Variants in EXOC6 observed in about 807,000 individuals in gnomAD.
EXOC6 encodes the protein exocyst complex component 6, also known as SEC15-like 1.
Under a neutral mutation model 112.5 loss-of-function variants are expected in EXOC6, and 60 were observed. That is an observed-to-expected ratio of 0.53 (90% CI 0.43 to 0.66). EXOC6 has a LOEUF of 0.66. Among genes scored for constraint, EXOC6 ranks in the 30% least tolerant of loss-of-function variants. The probability of loss-of-function intolerance (pLI) is 0.00; values close to 1 mark genes in which losing one functional copy is unlikely to be tolerated. For synonymous variants in EXOC6, 295 were observed against 308.0 expected, an observed-to-expected ratio of 0.96 and a Z score of 0.44; for missense variants, 855 against 957.1, an observed-to-expected ratio of 0.89 and a Z score of 1.41.
chr10:92,907,996 T>A (rs770333668), intron 5 of EXOC6, among the ~76,000 whole-genome samples: 1 of 152,006 alleles, frequency 6.6e-6, no homozygotes. Flanking sequence ...TATACTCTTA[T>A]CTTTGAGAGT....
chr10:92,840,239 A>G (rs939068310), intron 1 of EXOC6, among the ~76,000 whole-genome samples: 1 of 152,158 alleles, frequency 6.6e-6, no homozygotes, highest in Admixed American at 6.6e-5. Context: ...TGCTATTTAT[A>G]TCTTTATAAA....
chr10:92,843,881 G>A (rs183630625), upstream of EXOC6, among the ~76,000 whole-genome samples: 50 of 151,468 alleles, frequency 3.3e-4, no homozygotes, highest in African/African-American at 1.2e-3. Flanking sequence ...CCAGTTACTC[G>A]GGAGAGAACT....
chr10:93,033,005 A>G (rs897742714), intron 20 of EXOC6, among the ~76,000 whole-genome samples: 2 of 152,186 alleles, frequency 1.3e-5, no homozygotes, highest in Non-Finnish European at 2.9e-5. Flanking sequence ...TAGTATGGCT[A>G]TAATGTAGTG....
chr10:92,853,121 T>C (rs985860878), intron 1 of EXOC6, among the ~76,000 whole-genome samples: 11 of 152,152 alleles, frequency 7.2e-5, no homozygotes, highest in Admixed American at 6.5e-4. Flanking sequence ...AATCAGAAAT[T>C]GAAATTTAAA....
At chr10:92,920,186 C>A in intron 8 of EXOC6, 136 bp downstream of exon 8, 1 of 505,548 alleles carries the variant, frequency 2.0e-6, no homozygotes. Flanking sequence ...CTGTGTAAGG[C>A]ACTTACATTT....
intron 1 of EXOC6, among the ~76,000 whole-genome samples, chr10:92,855,730 TTCTC>T (rs1486796886): frequency 6.6e-6 from 1 of 152,198 alleles, no homozygotes; most frequent in East Asian, 1.9e-4. Context: ...TTCTGTAACA[TTCTC>T]TCTTTTGTTC....
intron 8 of EXOC6, among the ~76,000 whole-genome samples, chr10:92,921,094 A>G (rs1286374080): frequency 4.6e-5 from 7 of 152,160 alleles, no homozygotes; most frequent in African/African-American, 1.7e-4. Flanking sequence ...TAATGTAATT[A>G]CTGGTAAGGT....
intron 20 of EXOC6, among the ~76,000 whole-genome samples, chr10:93,036,004 G>A (rs914818068): frequency 6.6e-6 from 1 of 151,986 alleles, no homozygotes; most frequent in African/African-American, 2.4e-5. Flanking sequence ...GCAGATCACC[G>A]AAGGTCGGGA....
At position 92,988,018 on chromosome 10, in the gene EXOC6, T is replaced by A. The variant is rs1192083053; in HGVS notation, c.1954-9456T>A. ...AATGTTTAGAAAAGTGCTTGGCATA[T>A]AATAAATACTCAAAAAATATTAGTT... On this transcript the variant is annotated intron_variant, in intron 18 of 21. Coordinates refer to ENST00000260762, the MANE Select transcript of EXOC6 (RefSeq NM_019053.6). 2.0e-5 allele frequency among the ~76,000 whole-genome samples: 3 copies of A among 152,226 alleles called. No homozygotes were observed. In the East Asian group the frequency reaches 5.8e-4, roughly 29 times the overall value.
At chr10:92,868,509 T>C (rs1041287041) in intron 1 of EXOC6, among the ~76,000 whole-genome samples, 15 of 152,146 alleles carry the variant, frequency 9.9e-5, no homozygotes, top group African/African-American at 3.6e-4. Flanking sequence ...TCATCGCTTA[T>C]CTTTTTCAGG....
chr10:92,857,940 T>G (rs999034937), intron 1 of EXOC6, among the ~76,000 whole-genome samples: 27 of 151,532 alleles, frequency 1.8e-4, no homozygotes, highest in African/African-American at 2.4e-5. Flanking sequence ...TTGTCTGTTT[T>G]TTTAAAATCT....
intron 17 of EXOC6, among the ~76,000 whole-genome samples, chr10:92,972,355 A>T (rs1842333722): frequency 6.6e-6 from 1 of 152,204 alleles, no homozygotes. Flanking sequence ...AAAACAAAAA[A>T]GTACACATTC....
chr10:92,896,280 C>T (rs1379504642), intron 4 of EXOC6, among the ~76,000 whole-genome samples: 1 of 136,646 alleles, frequency 7.3e-6, no homozygotes, highest in African/African-American at 2.7e-5. Flanking sequence ...TCATTACAAC[C>T]TCCACCTTCT....
intron 20 of EXOC6, among the ~76,000 whole-genome samples, chr10:93,038,040 CAAAAAAAAAAA>C (rs1156726278): frequency 7.5e-5 from 2 of 26,578 alleles, no homozygotes; most frequent in Non-Finnish European, 1.4e-4. Flanking sequence ...ACTCCGTCTC[CAAAAAAAAAAA>C]AAAAAAAAAA....
chr10:92,858,909 C>T (rs945912302), intron 1 of EXOC6, among the ~76,000 whole-genome samples: 8 of 152,138 alleles, frequency 5.3e-5, no homozygotes, highest in East Asian at 1.9e-4. Context: ...GGACTACAGG[C>T]GCACACCGCC....
At chr10:93,019,928 C>G (rs1221386847) in intron 20 of EXOC6, among the ~76,000 whole-genome samples, 1 of 152,108 alleles carries the variant, frequency 6.6e-6, no homozygotes, top group East Asian at 1.9e-4. Context: ...CCAGTGAAGT[C>G]CGTTTTTAAA....
At chr10:92,951,423 G>A (rs1853406094) in intron 14 of EXOC6, among the ~76,000 whole-genome samples, 1 of 152,188 alleles carries the variant, frequency 6.6e-6, no homozygotes. Context: ...GGAATCCAAG[G>A]AAGGAGAGAT....
intron 7 of EXOC6, 141 bp from the exon 8 acceptor site, chr10:92,919,841 G>C: frequency 1.9e-6 from 1 of 535,028 alleles, no homozygotes; most frequent in Non-Finnish European, 3.2e-6. Context: ...TGCGTTTATA[G>C]TGTATGCTTT....
intron 20 of EXOC6, among the ~76,000 whole-genome samples, chr10:93,025,761 A>T (rs1375426932): frequency 2.0e-5 from 3 of 152,218 alleles, no homozygotes; most frequent in African/African-American, 7.2e-5. Flanking sequence ...AAAGTACATT[A>T]TGCATTCGGG....
Sources: gnomAD v4.1 joint callset for allele counts (sites outside exome capture counted in the v4.1 genomes callset) on GRCh38, gnomAD v4.1.1 for gene constraint, MANE v1.5 for transcripts, NCBI Gene and HGNC (gene_info 2026-07-23, HGNC 2026-07-21) for gene names.